The following AIDA variants were observed in gnomAD, a reference collection of about 807,000 sequenced individuals.
The protein encoded by AIDA is axin interactor, dorsalization-associated protein.
Under a neutral mutation model 42.7 loss-of-function variants are expected in AIDA, and 18 were observed. That is an observed-to-expected ratio of 0.42 (90% CI 0.29 to 0.63). AIDA has a LOEUF of 0.63. AIDA is among the 20% of genes least tolerant of loss of function. The pLI, the probability that AIDA is intolerant of heterozygous loss-of-function variation, is 0.19. For missense variants in AIDA, 250 were observed against 354.1 expected, an observed-to-expected ratio of 0.71 and a Z score of 2.36; for synonymous variants, 104 against 122.9, an observed-to-expected ratio of 0.85 and a Z score of 1.02.
intron 6 of AIDA, among the ~76,000 whole-genome samples, chr1:222,683,431 T>C (rs1664687802): frequency 6.6e-6 from 1 of 152,206 alleles, no homozygotes; most frequent in African/African-American, 2.4e-5. Context: ...AATTGAATAG[T>C]TATGCAGCAG....
rs190329438 is a variant in AIDA, at chr1:222,688,903, G to A, written c.290-1245C>T. On this transcript the variant is annotated intron_variant, in intron 4 of 9. Transcript: ENST00000340020. ...AAACAGCCTCAGGCAGGTCCTTCAG[G>A]AGGTATCAGAAGAAGGCATTGTTAT... is the stretch of plus-strand genomic sequence containing the variant. Among the ~76,000 whole-genome samples the A allele has an allele frequency of 1.7e-3, 263 of 152,144 alleles. 8 individuals are homozygous for A. The highest frequency in any genetic ancestry group is 0.015 in the Admixed American group (236 of 15,286).
At chr1:222,705,274 C>T (rs1655808889) in intron 1 of AIDA, among the ~76,000 whole-genome samples, 1 of 152,162 alleles carries the variant, frequency 6.6e-6, no homozygotes, top group Non-Finnish European at 1.5e-5. Flanking sequence ...GGAGAAGGTA[C>T]AAATAGAAAC....
intron 6 of AIDA, among the ~76,000 whole-genome samples, chr1:222,678,473 T>C (rs1309196064): frequency 6.6e-6 from 1 of 152,152 alleles, no homozygotes; most frequent in African/African-American, 2.4e-5. Context: ...TGTAATTGTC[T>C]AGATCTTTTA....
chr1:222,709,426 G>C (rs1165377533), intron 1 of AIDA, among the ~76,000 whole-genome samples: 1 of 151,780 alleles, frequency 6.6e-6, no homozygotes, highest in African/African-American at 2.4e-5. Flanking sequence ...GCAAGACTCT[G>C]TCTCAGAAAA....
intron 6 of AIDA, among the ~76,000 whole-genome samples, chr1:222,681,416 C>T (rs1329044764): frequency 6.6e-6 from 1 of 152,192 alleles, no homozygotes; most frequent in Non-Finnish European, 1.5e-5. Context: ...GTAATCCCAG[C>T]ACTTTGGGAG....
chr1:222,679,556 C>T (rs1214164649), intron 6 of AIDA, among the ~76,000 whole-genome samples: 1 of 152,216 alleles, frequency 6.6e-6, no homozygotes, highest in Non-Finnish European at 1.5e-5. Context: ...TGTACTAACT[C>T]ATTTAATCCT....
intron 7 of AIDA, among the ~76,000 whole-genome samples, chr1:222,673,742 C>T (rs775308209): frequency 7.9e-5 from 12 of 151,532 alleles, no homozygotes; most frequent in Non-Finnish European, 1.3e-4. Flanking sequence ...CGCACCACTG[C>T]ACTCCAGCCT....
In AIDA at chr1:222,673,378, T is replaced by C. The variant is rs560922639; in HGVS notation, c.641A>G (p.Glu214Gly). ...CACATTAAAATGAACATATGTATCT[T>C]CTTTTCTTGAAGCCACAGGAGTATC... ...VQDTPVASRKEDTYVHFNVDI... is the reference protein window; with the variant it reads ...VQDTPVASRKGDTYVHFNVDI... The change falls in exon 8 of 10, where the codon GAA (glutamate) becomes GGA (glycine). Residue 214 changes from glutamate (E) to glycine (G), a missense_variant. By Grantham distance (98) the Glu-to-Gly change is moderately conservative. Transcript: ENST00000340020. 6 of 1,611,236 alleles carry C rather than the reference T, an allele frequency of 3.7e-6. No homozygotes were observed. The highest frequency in any genetic ancestry group is 5.1e-6 in the Non-Finnish European group (6 of 1,178,462).
At chr1:222,706,854 CAAAAAAAAAAAAAA>C (rs767799244) in intron 1 of AIDA, among the ~76,000 whole-genome samples, 1 of 72,100 alleles carries the variant, frequency 1.4e-5, no homozygotes, top group African/African-American at 4.8e-5. Flanking sequence ...GACTGCGCCT[CAAAAAAAAAAAAAA>C]AAAAAAAAGA....
At chr1:222,705,710 CCT>C (rs892155525) in intron 1 of AIDA, among the ~76,000 whole-genome samples, 5 of 152,182 alleles carry the variant, frequency 3.3e-5, no homozygotes, top group African/African-American at 9.6e-5. Flanking sequence ...TGGTGAAACC[CCT>C]GTCTCTACTA....
intron 6 of AIDA, among the ~76,000 whole-genome samples, chr1:222,678,615 C>T (rs1002190178): frequency 1.3e-5 from 2 of 152,090 alleles, no homozygotes; most frequent in African/African-American, 4.8e-5. Context: ...TGATTCCAAG[C>T]TGGAAAGATA....
chr1:222,711,058 ATTC>A (rs754141582), intron 1 of AIDA, among the ~76,000 whole-genome samples: 19 of 115,512 alleles, frequency 1.6e-4, no homozygotes, highest in Non-Finnish European at 2.9e-4. Context: ...CCAAGCGTAT[ATTC>A]TTGCCAGAAA....
At chr1:222,687,249 G>A (rs887910237) in intron 5 of AIDA, among the ~76,000 whole-genome samples, 8 of 152,054 alleles carry the variant, frequency 5.3e-5, no homozygotes, top group African/African-American at 1.9e-4. Context: ...GGGCAATACG[G>A]TGAAATCCCG....
chr1:222,671,322 T>C (rs1664445233), intron 8 of AIDA, among the ~76,000 whole-genome samples: 1 of 152,020 alleles, frequency 6.6e-6, no homozygotes, highest in Non-Finnish European at 1.5e-5. Flanking sequence ...AAGCTAAAAA[T>C]GGAGAAATAA....
intron 1 of AIDA, among the ~76,000 whole-genome samples, chr1:222,705,476 G>A (rs1655814043): frequency 6.6e-6 from 1 of 152,152 alleles, no homozygotes; most frequent in Non-Finnish European, 1.5e-5. Context: ...TTGCAGTGGT[G>A]GCCATCAACC....
rs113086358 is a variant in AIDA at position 222,669,758 on chromosome 1, T to C, written c.*135A>G. The C allele has an allele frequency of 2.8e-4, 248 of 877,178 alleles. No individual in the cohort carries two copies. The highest frequency in any genetic ancestry group is 1.5e-3 in the African/African-American group (86 of 57,794). 54.3% of individuals were successfully genotyped at this position (877,178 alleles called of 1,614,324 possible). On this transcript the variant is annotated 3_prime_UTR_variant, in exon 10 of 10. Coordinates refer to ENST00000340020, the MANE Select transcript of AIDA (RefSeq NM_022831.4). ...CTGAATTCTGTGGTACAGCTTTGCATTGGACTCCGTCCGGCCTACTGGTCT... is the reference window on the plus strand; with the variant it reads ...CTGAATTCTGTGGTACAGCTTTGCACTGGACTCCGTCCGGCCTACTGGTCT...
intron 1 of AIDA, 76 bp downstream of exon 1, chr1:222,712,132 G>A (rs1195102528): frequency 1.9e-6 from 3 of 1,544,880 alleles, no homozygotes; most frequent in East Asian, 4.9e-5. Flanking sequence ...ATACGGTGAT[G>A]AGAGACACCG....
chr1:222,704,818 T>C (rs1655796586), intron 1 of AIDA, among the ~76,000 whole-genome samples: 1 of 151,564 alleles, frequency 6.6e-6, no homozygotes, highest in African/African-American at 2.4e-5. Flanking sequence ...TTTATCTCAA[T>C]TTTAAAAAAA....
intron 1 of AIDA, among the ~76,000 whole-genome samples, chr1:222,709,669 GA>G (rs1028105621): frequency 1.3e-5 from 2 of 151,938 alleles, no homozygotes; most frequent in Admixed American, 1.3e-4. Flanking sequence ...ATAATGGGGG[GA>G]AAAGTGCCCC....
Sources: allele counts gnomAD v4.1 joint callset (sites outside exome capture counted in the v4.1 genomes callset), GRCh38; gene constraint gnomAD v4.1.1; transcripts MANE v1.5; gene names NCBI Gene and HGNC (gene_info 2026-07-23, HGNC 2026-07-21).